GATA3: variants seen among roughly 807,000 people sequenced by gnomAD.
GATA3 encodes GATA binding protein 3.
GATA3 carries 6 observed loss-of-function variants against 36.0 expected under a neutral mutation model. The ratio of observed to expected loss-of-function variants is 0.17; its 90% CI spans 0.09 to 0.33. GATA3 has a LOEUF of 0.33. Ranked by LOEUF, GATA3 falls within the 10% of genes least tolerant of loss-of-function variation. GATA3 has a pLI of 1.00. For missense variants in GATA3, 514 were observed against 610.1 expected (o/e 0.84, Z 1.66); for synonymous variants, 326 against 273.0 (o/e 1.19, Z -1.92).
intron 3 of GATA3, among the ~76,000 whole-genome samples, chr10:8,059,867 T>C (rs1306542263): frequency 6.6e-6 from 1 of 152,232 alleles, no homozygotes; most frequent in East Asian, 1.9e-4. Context: ...TGGTGAAGAT[T>C]TTGATGTCTC....
At chr10:8,068,459 A>C (rs1047677813) in intron 4 of GATA3, among the ~76,000 whole-genome samples, 1 of 152,206 alleles carries the variant, frequency 6.6e-6, no homozygotes, top group African/African-American at 2.4e-5. Flanking sequence ...GGAAGTGACC[A>C]AGCTTGAAAG....
intron 4 of GATA3, among the ~76,000 whole-genome samples, 170 bp downstream of exon 4, chr10:8,064,308 CTTCTTTT>C (rs1462162813): frequency 3.5e-5 from 4 of 114,128 alleles, no homozygotes; most frequent in Non-Finnish European, 3.4e-5. Flanking sequence ...TTTTCTTCTT[CTTCTTTT>C]TTTTTTTTTT....
chr10:8,075,073 C>G lies in GATA3; in HGVS notation c.*1050C>G, dbSNP rs1025958714. 7.3e-5 allele frequency: 17 copies of G among 233,060 alleles called. No individual in the cohort carries two copies. The Admixed American group carries it at 9.0e-4, about 12-fold the overall frequency. The allele number at this position is 233,060 out of a possible 1,614,324, so 14.4% of individuals were successfully genotyped here. On this transcript the variant is annotated 3_prime_UTR_variant, in exon 6 of 6. Transcript: ENST00000379328. Reference sequence around the variant, plus strand: ...TCAGCGACCCTGGCCCGACAGGCCACGTCCTGCAATCGGCCCGGCTGCCTC... The same window carrying G: ...TCAGCGACCCTGGCCCGACAGGCCAGGTCCTGCAATCGGCCCGGCTGCCTC...
chr10:8,073,121 G>A (rs1468797203), intron 5 of GATA3, among the ~76,000 whole-genome samples: 1 of 146,830 alleles, frequency 6.8e-6, no homozygotes, highest in Admixed American at 6.8e-5. Context: ...CTCCAGCCTG[G>A]GCGACAGCGG....
chr10:8,072,379 A>G (rs1832944289), intron 5 of GATA3, among the ~76,000 whole-genome samples: 1 of 152,220 alleles, frequency 6.6e-6, no homozygotes, highest in South Asian at 2.1e-4. Flanking sequence ...TGGCCAGGAC[A>G]CTGACATTCA....
chr10:8,068,341 G>A (rs763528178), intron 4 of GATA3, among the ~76,000 whole-genome samples: 1 of 152,192 alleles, frequency 6.6e-6, no homozygotes, highest in Non-Finnish European at 1.5e-5. Flanking sequence ...GGGATCCAGG[G>A]TTCCTGATGA....
At chr10:8,050,822 G>T (rs1427547757), upstream of GATA3, 1 of 373,636 alleles carries the variant, frequency 2.7e-6, no homozygotes, top group Non-Finnish European at 5.5e-6. Flanking sequence ...CGCCCCGGGC[G>T]GCCCGAGGCA....
chr10:8,060,813 G>C (rs936644781), intron 3 of GATA3, among the ~76,000 whole-genome samples: 1 of 152,198 alleles, frequency 6.6e-6, no homozygotes, highest in African/African-American at 2.4e-5. Context: ...GCCAGAGCTA[G>C]GAATACCGAT....
intron 3 of GATA3, among the ~76,000 whole-genome samples, chr10:8,062,333 C>CAAAAAAA (rs57448217): frequency 6.9e-6 from 1 of 145,640 alleles, no homozygotes. Context: ...GAATGTGGAG[C>CAAAAAAA]AAAAAAAAAA....
upstream of GATA3, chr10:8,052,548 C>G (rs941156652): frequency 1.3e-5 from 2 of 152,252 alleles, no homozygotes; most frequent in Non-Finnish European, 2.9e-5. Flanking sequence ...TTTGGTCTTA[C>G]GCGTGGCTGT....
chr10:8,062,274 C>G (rs985961379), intron 3 of GATA3, among the ~76,000 whole-genome samples: 2 of 151,276 alleles, frequency 1.3e-5, no homozygotes, highest in Non-Finnish European at 2.9e-5. Context: ...CTCAGGGGTT[C>G]TGGGGCACAG....
At chr10:8,045,680 G>A (rs541490383) in intron 1 of GATA3, among the ~76,000 whole-genome samples, 2 of 152,286 alleles carry the variant, frequency 1.3e-5, no homozygotes, top group Admixed American at 1.3e-4. Context: ...GGAAATCTCT[G>A]GGTTTCTGTG....
At position 8,073,950 on chromosome 10, in the gene GATA3, C is replaced by G. The variant is rs374919553; in HGVS notation, c.1262C>G (p.Thr421Arg). The G allele has an allele frequency of 1.9e-6, 3 of 1,614,038 alleles. No homozygotes were observed. Among genetic ancestry groups the G allele is most frequent in the Non-Finnish European group, 2.5e-6 (3 of 1,180,024 alleles). The change falls in exon 6 of 6, where the codon ACG becomes AGG. Residue 421 changes from threonine (T) to arginine (R), a missense_variant. By Grantham distance (71) the Thr-to-Arg change is moderately conservative. Around this residue, in one of 3 missense-constraint regions of GATA3, gnomAD observed 89 missense variants for 104.2 expected, o/e 0.85. Coordinates refer to ENST00000379328, the MANE Select transcript of GATA3 (RefSeq NM_001002295.2). ...SHSSHMLTTPTPMHPPSSLSF... is the reference protein window; with the variant it reads ...SHSSHMLTTPRPMHPPSSLSF... Reference sequence around the variant, plus strand: ...TCCAGCCACATGCTGACCACGCCCACGCCGATGCACCCGCCATCCAGCCTG... The same window carrying G: ...TCCAGCCACATGCTGACCACGCCCAGGCCGATGCACCCGCCATCCAGCCTG...
At chr10:8,058,928 G>T in intron 3 of GATA3, 87 bp downstream of exon 3, 1 of 1,294,740 alleles carries the variant, frequency 7.7e-7, no homozygotes, top group East Asian at 2.4e-5. Context: ...GACCCCTCAG[G>T]GGAGCCGGGG....
intron 5 of GATA3, 131 bp downstream of exon 5, chr10:8,069,729 A>G (rs561917513): frequency 1.2e-4 from 131 of 1,127,556 alleles, no homozygotes; most frequent in Non-Finnish European, 7.3e-5. Context: ...AATTGATGCA[A>G]TAGGACCTAG....
At position 8,055,991 on chromosome 10, in the gene GATA3, G is replaced by A; in HGVS notation, c.241+95G>A. 1 of 1,492,626 alleles carries A rather than the reference G, an allele frequency of 6.7e-7. No homozygotes were observed. The highest frequency in any genetic ancestry group is 9.1e-7 in the Non-Finnish European group (1 of 1,097,838). 92.5% of individuals were successfully genotyped at this position (1,492,626 alleles called of 1,614,324 possible). On this transcript the variant is annotated intron_variant, in intron 2 of 5. Coordinates refer to ENST00000379328, the MANE Select transcript of GATA3 (RefSeq NM_001002295.2). The surrounding 1 kb of genome is among the most constrained non-coding windows in gnomAD (Gnocchi z 5.4). ...GGACCTGAGGGCGGGGAGAGGTCAA[G>A]CGAAAGCCCCCATCTGCCGTTCCTG...
At chr10:8,063,089 G>A (rs1209167841) in intron 3 of GATA3, among the ~76,000 whole-genome samples, 2 of 152,146 alleles carry the variant, frequency 1.3e-5, no homozygotes, top group Non-Finnish European at 2.9e-5. Flanking sequence ...TATTTTGTTT[G>A]TTTGTGTTTT....
At chr10:8,063,053 C>T (rs760777655) in intron 3 of GATA3, among the ~76,000 whole-genome samples, 1 of 152,230 alleles carries the variant, frequency 6.6e-6, no homozygotes, top group Non-Finnish European at 1.5e-5. Flanking sequence ...GCTCAGACTT[C>T]CTACCGGCCT....
At chr10:8,072,745 A>G (rs933083667) in intron 5 of GATA3, among the ~76,000 whole-genome samples, 2 of 152,112 alleles carry the variant, frequency 1.3e-5, no homozygotes, top group Non-Finnish European at 2.9e-5. Flanking sequence ...TATTAAATAC[A>G]TGTTGATTGG....
Sources: allele counts gnomAD v4.1 joint callset (sites outside exome capture counted in the v4.1 genomes callset), GRCh38; gene constraint gnomAD v4.1.1; regional missense constraint gnomAD v4.1.1; non-coding constraint Gnocchi (gnomAD v3.1); transcripts MANE v1.5; gene names NCBI Gene and HGNC (gene_info 2026-07-23, HGNC 2026-07-21).